Variants in USP44 observed in about 807,000 individuals in gnomAD.
The protein encoded by USP44 is ubiquitin carboxyl-terminal hydrolase 44.
In USP44, 61 loss-of-function variants were observed where a neutral mutation model predicts 69.0. The ratio of observed to expected loss-of-function variants is 0.88; its 90% confidence interval spans 0.72 to 1.09. The LOEUF is 1.09. USP44 is among the 50% of genes least tolerant of loss of function. The pLI is 0.00. For missense variants in USP44, 753 were observed against 849.9 expected, an observed-to-expected ratio of 0.89 and a Z score of 1.42; for synonymous variants, 297 against 295.4, an observed-to-expected ratio of 1.01 and a Z score of -0.06.
At position 95,533,265 on chromosome 12, in the gene USP44, A is replaced by G. The variant is rs375268017; in HGVS notation, c.992T>C (p.Val331Ala). 35 of 1,614,060 alleles carry G rather than the reference A, an allele frequency of 2.2e-5. No individual in the cohort carries two copies. The highest frequency in any genetic ancestry group is 1.6e-4 in the Middle Eastern group (1 of 6,084). Reference protein sequence around the residue: ...CKHPPVTDTVVYQMNECQEKD... With the variant: ...CKHPPVTDTVAYQMNECQEKD... ...TTCCTGACATTCATTCATTTGATATACTACTGTATCTGTGACTGGTGGATG... is the reference window on the plus strand; with the variant it reads ...TTCCTGACATTCATTCATTTGATATGCTACTGTATCTGTGACTGGTGGATG... The change falls in exon 2 of 6, where the codon GTA becomes GCA. Residue 331 changes from valine (V) to alanine (A), a missense_variant. Val to Ala is a moderately conservative substitution (Grantham distance 64). Transcript: ENST00000258499.
chr12:95,546,948 T>G (rs2077590718), intron 1 of USP44: 1 of 152,004 alleles, frequency 6.6e-6, no homozygotes, highest in Non-Finnish European at 1.5e-5. Context: ...TTTGGTAGAG[T>G]GGATATGACG....
Position 95,516,998 on chromosome 12 carries a change from A to C in USP44, c.*1156T>G, listed in dbSNP as rs1015732313. ...CTCCAAATAAGATAAAGTTAGCAGC[A>C]ACAGGACTTTAAAGAAACCCAGTGA... On this transcript the variant is annotated 3_prime_UTR_variant, in exon 6 of 6. Coordinates refer to ENST00000258499, the MANE Select transcript of USP44 (RefSeq NM_032147.5). The C allele has an allele frequency of 1.3e-5, 2 of 152,180 alleles. No individual in the cohort carries two copies. Among genetic ancestry groups the C allele is most frequent in the South Asian group, 2.1e-4 (1 of 4,830 alleles). 9.4% of individuals were successfully genotyped at this position (152,180 alleles called of 1,614,324 possible). A position where few individuals can be genotyped will look rare whatever the true frequency, so the allele number is the denominator to read the frequency against.
chr12:95,517,487 TC>T lies in USP44; in HGVS notation c.*666del, dbSNP rs1168828631. ...AGACAAAAATCATAAATCCCAGCCATCATTTTTTTCATGTCCATAGTTCCAG... is the reference window on the plus strand; with the variant it reads ...AGACAAAAATCATAAATCCCAGCCATATTTTTTTCATGTCCATAGTTCCAG... On this transcript the variant is annotated 3_prime_UTR_variant, in exon 6 of 6. Coordinates refer to ENST00000258499, the MANE Select transcript of USP44 (RefSeq NM_032147.5). 5 of 140,746 alleles carry T rather than the reference TC, an allele frequency of 3.6e-5. No individual in the cohort carries two copies. The highest frequency in any genetic ancestry group is 6.3e-5 in the Non-Finnish European group (4 of 63,842). 8.7% of individuals were successfully genotyped at this position (140,746 alleles called of 1,614,324 possible). A position where few individuals can be genotyped will look rare whatever the true frequency, so the allele number is the denominator to read the frequency against.
At chr12:95,528,656 G>T in intron 3 of USP44, 151 bp downstream of exon 3, 1 of 727,944 alleles carries the variant, frequency 1.4e-6, no homozygotes, top group Non-Finnish European at 2.1e-6. Flanking sequence ...GTTCATAAAT[G>T]CCAATTATAA....
At chr12:95,545,883 C>T (rs2140383852) in intron 1 of USP44, among the ~76,000 whole-genome samples, 1 of 152,264 alleles carries the variant, frequency 6.6e-6, no homozygotes, top group South Asian at 2.1e-4. Flanking sequence ...ATTCTTTCTT[C>T]CTTTAGAGAT....
chr12:95,521,234 C>A, intron 4 of USP44, 32 bp from the exon 5 acceptor site: 1 of 1,610,072 alleles, frequency 6.2e-7, no homozygotes, highest in Admixed American at 1.7e-5. Context: ...ATTATCCACA[C>A]AATTAAGGGA....
At chr12:95,519,391 T>C (rs556778021) in intron 5 of USP44, among the ~76,000 whole-genome samples, 2 of 151,486 alleles carry the variant, frequency 1.3e-5, no homozygotes, top group Admixed American at 6.6e-5. Flanking sequence ...TTCAAAACAC[T>C]TATGGTCCCG....
At chr12:95,540,647 C>CT (rs1216324605) in intron 1 of USP44, among the ~76,000 whole-genome samples, 1 of 152,110 alleles carries the variant, frequency 6.6e-6, no homozygotes, top group Non-Finnish European at 1.5e-5. Flanking sequence ...CCTGCTCTCC[C>CT]TCCCATCTTT....
intron 1 of USP44, among the ~76,000 whole-genome samples, chr12:95,550,489 A>G (rs1462210422): frequency 2.6e-5 from 4 of 152,164 alleles, no homozygotes; most frequent in African/African-American, 7.2e-5. Flanking sequence ...ACTTTTGCCC[A>G]CCACCTGAAT....
At chr12:95,529,343 G>C (rs1311459552) in intron 2 of USP44, among the ~76,000 whole-genome samples, 1 of 151,480 alleles carries the variant, frequency 6.6e-6, no homozygotes, top group East Asian at 1.9e-4. Context: ...TGTATACATA[G>C]ATATATACAT....
At chr12:95,549,330 C>G (rs917337352) in intron 1 of USP44, among the ~76,000 whole-genome samples, 1 of 152,152 alleles carries the variant, frequency 6.6e-6, no homozygotes, top group Non-Finnish European at 1.5e-5. Flanking sequence ...TTTCGCACCG[C>G]AGAAGGGCGA....
intron 5 of USP44, among the ~76,000 whole-genome samples, chr12:95,520,319 C>T (rs902819186): frequency 6.6e-5 from 10 of 151,936 alleles, no homozygotes; most frequent in Non-Finnish European, 1.2e-4. Flanking sequence ...GGTGAAACCC[C>T]GTCTCTACTG....
chr12:95,521,456 C>T lies in USP44; in HGVS notation c.1734-254G>A, dbSNP rs186519529. 6.4e-3 allele frequency among the ~76,000 whole-genome samples: 976 copies of T among 152,206 alleles called. 10 individuals are homozygous for T. Among genetic ancestry groups the T allele is most frequent in the African/African-American group, 0.022 (931 of 41,528 alleles). On this transcript the variant is annotated intron_variant, in intron 4 of 5. Transcript: ENST00000258499. Reference sequence around the variant, plus strand: ...AGTATTGCCTTATGGGGGCATTTACCCCCTAACAGGTAAAAGTCAAGGCCA... The same window carrying T: ...AGTATTGCCTTATGGGGGCATTTACTCCCTAACAGGTAAAAGTCAAGGCCA...
intron 5 of USP44, among the ~76,000 whole-genome samples, chr12:95,520,690 A>G (rs2140210252): frequency 6.6e-6 from 1 of 152,338 alleles, no homozygotes; most frequent in South Asian, 2.1e-4. Flanking sequence ...GAAGTAAACC[A>G]GTAAACATAC....
Position 95,524,683 on chromosome 12 carries a change from AATC to A in USP44, c.1727_1729del (p.Arg576_Phe577delinsLeu). On this transcript the variant is annotated inframe_deletion, in exon 4 of 6. Transcript: ENST00000258499. ...TGCAACTGGTCCTACTACAGACCTG[AATC>A]GTTTGAGGTGCAGTCTGAGAACCTG... 1 of 1,606,288 alleles carries A rather than the reference AATC, an allele frequency of 6.2e-7. No individual in the cohort carries two copies. Among genetic ancestry groups the A allele is most frequent in the South Asian group, 1.1e-5 (1 of 89,032 alleles).
intron 1 of USP44, among the ~76,000 whole-genome samples, chr12:95,547,756 T>C (rs911207148): frequency 2.6e-5 from 4 of 152,174 alleles, no homozygotes; most frequent in African/African-American, 9.7e-5. Context: ...ACAATCCCCG[T>C]TACTTGCCCA....
Position 95,524,755 on chromosome 12 carries a change from A to G in USP44, c.1658T>C (p.Val553Ala), listed in dbSNP as rs376743137. 8.1e-6 allele frequency: 13 copies of G among 1,612,266 alleles called. No homozygotes were observed. In the African/African-American group the frequency reaches 1.6e-4, roughly 20 times the overall value. The change falls in exon 4 of 6, where the codon GTA (valine) becomes GCA (alanine). Residue 553 changes from valine (V) to alanine (A), a missense_variant. By Grantham distance (64) the Val-to-Ala change is moderately conservative. Transcript: ENST00000258499. ...AAGTTGTTTCTGGGCTTCTGTGAGT[A>G]CAACTGGTTTGGAGGAAAACCTTCT... ...KRRRFSSKPVVLTEAQKQLMI... is the reference protein window; with the variant it reads ...KRRRFSSKPVALTEAQKQLMI...
At chr12:95,534,420 A>G (rs1446604495) in intron 1 of USP44, 94 bp from the exon 2 acceptor site, 9 of 647,268 alleles carry the variant, frequency 1.4e-5, no homozygotes, top group Non-Finnish European at 2.0e-5. Flanking sequence ...TCTGCTCCCA[A>G]TTTCTAGGCT....
rs957085156 is a variant in USP44 at position 95,536,034 on chromosome 12, T to C, written c.-70-1708A>G. Among the ~76,000 whole-genome samples the C allele has an allele frequency of 2.4e-3, 313 of 128,260 alleles. 6 individuals carry two copies. Among genetic ancestry groups the C allele is most frequent in the South Asian group, 9.5e-3 (39 of 4,118 alleles). 84.1% of individuals were successfully genotyped at this position (128,260 alleles called of 152,430 possible). On this transcript the variant is annotated intron_variant, in intron 1 of 5. Transcript: ENST00000258499. ...TTCACATGTTTCTTTCTTTCCTTTTTTTTCCTTTTTTTTTTTTTTTTTTTT... is the reference window on the plus strand; with the variant it reads ...TTCACATGTTTCTTTCTTTCCTTTTCTTTCCTTTTTTTTTTTTTTTTTTTT...
Sources: allele counts gnomAD v4.1 joint callset (sites outside exome capture counted in the v4.1 genomes callset), GRCh38; gene constraint gnomAD v4.1.1; transcripts MANE v1.5; gene names NCBI Gene and HGNC (gene_info 2026-07-23, HGNC 2026-07-21).